The following PDGFRB variants were observed in gnomAD, a reference collection of about 807,000 sequenced individuals.
The protein encoded by PDGFRB is platelet derived growth factor receptor beta, also known as platelet-derived growth factor receptor beta.
In PDGFRB, 42 loss-of-function variants were observed where a neutral mutation model predicts 120.2. The observed-to-expected ratio is 0.35, with a 90% CI of 0.27 to 0.45. PDGFRB has a LOEUF of 0.45. Ranked by LOEUF, PDGFRB falls within the 20% of genes least tolerant of loss-of-function variation. The pLI, the probability that PDGFRB is intolerant of heterozygous loss-of-function variation, is 1.00. For missense variants in PDGFRB, 1,149 were observed against 1,476.3 expected, an observed-to-expected ratio of 0.78 and a Z score of 3.63; for synonymous variants, 586 against 606.8, an observed-to-expected ratio of 0.97 and a Z score of 0.50.
At chr5:150,137,915 G>C (rs895156996) in intron 1 of PDGFRB, among the ~76,000 whole-genome samples, 2 of 152,104 alleles carry the variant, frequency 1.3e-5, no homozygotes, top group Non-Finnish European at 2.9e-5. Context: ...CAGAGAGGAG[G>C]TGCCCAGAGA....
rs558377028 is a variant in PDGFRB, at chr5:150,131,871, G to A, written c.1243+108C>T. On this transcript the variant is annotated intron_variant, in intron 8 of 22. Transcript: ENST00000261799. ...CTAGAATCCATCTCCTGAGTTCCAGGCTCCCTCTCCCACTCCTCCCATGGG... is the reference window on the plus strand; with the variant it reads ...CTAGAATCCATCTCCTGAGTTCCAGACTCCCTCTCCCACTCCTCCCATGGG... The A allele has an allele frequency of 5.3e-4, 321 of 603,716 alleles. 2 individuals are homozygous for A. The South Asian group carries it at 5.5e-3, about 10-fold the overall frequency. The allele number at this position is 603,716 out of a possible 1,614,324, so 37.4% of individuals were successfully genotyped here. A position where few individuals can be genotyped will look rare whatever the true frequency, so the allele number is the denominator to read the frequency against.
At chr5:150,146,188 A>T (rs1453512433) in intron 1 of PDGFRB, among the ~76,000 whole-genome samples, 1 of 152,210 alleles carries the variant, frequency 6.6e-6, no homozygotes, top group Non-Finnish European at 1.5e-5. Flanking sequence ...ATTGTTAATT[A>T]CACTGAGTAC....
intron 1 of PDGFRB, among the ~76,000 whole-genome samples, chr5:150,142,323 T>C (rs1167987799): frequency 6.6e-6 from 1 of 152,172 alleles, no homozygotes; most frequent in Non-Finnish European, 1.5e-5. Context: ...GGCTTCAGGC[T>C]ATAGCTGCCC....
At chr5:150,145,371 A>T (rs567273577) in intron 1 of PDGFRB, among the ~76,000 whole-genome samples, 139 of 152,360 alleles carry the variant, frequency 9.1e-4, no homozygotes, top group Middle Eastern at 6.8e-3. Context: ...AAAGCTATAC[A>T]TGAATTTTCA....
Position 150,133,080 on chromosome 5 carries a change from TG to T in PDGFRB, c.935-139del, listed in dbSNP as rs918401648. 56 of 655,336 alleles carry T rather than the reference TG, an allele frequency of 8.5e-5. 3 individuals carry two copies. In the African/African-American group the frequency reaches 9.8e-4, roughly 11 times the overall value. The allele number at this position is 655,336 out of a possible 1,614,324, so 40.6% of individuals were successfully genotyped here. A position where few individuals can be genotyped will look rare whatever the true frequency, so the allele number is the denominator to read the frequency against. On this transcript the variant is annotated intron_variant, in intron 6 of 22. Transcript: ENST00000261799. Reference sequence around the variant, plus strand: ...GAGTTTCCGGAGCTGAGGTTGAAATTGGGCTGGGGACAGGGCCTGGAGAAGG... The same window carrying T: ...GAGTTTCCGGAGCTGAGGTTGAAATTGGCTGGGGACAGGGCCTGGAGAAGG...
chr5:150,133,079 T>C (rs1007992526), intron 6 of PDGFRB, 137 bp from the exon 7 acceptor site: 2 of 658,660 alleles, frequency 3.0e-6, no homozygotes, highest in Non-Finnish European at 5.2e-6. Context: ...GAGGTTGAAA[T>C]TGGGCTGGGG....
intron 1 of PDGFRB, among the ~76,000 whole-genome samples, chr5:150,141,163 T>C (rs1210845463): frequency 2.0e-5 from 3 of 152,176 alleles, no homozygotes; most frequent in Non-Finnish European, 4.4e-5. Context: ...ACTAAACATG[T>C]ACACACCCAC....
At chr5:150,146,877 G>A (rs1456480962) in intron 1 of PDGFRB, among the ~76,000 whole-genome samples, 2 of 152,220 alleles carry the variant, frequency 1.3e-5, no homozygotes, top group Non-Finnish European at 2.9e-5. Flanking sequence ...TCTGGGTCCC[G>A]CCTCTGCTCT....
chr5:150,137,946 G>GAGACAGAAGCAAGGACAAAGACAA (rs1319805180), intron 1 of PDGFRB, among the ~76,000 whole-genome samples: 3 of 145,496 alleles, frequency 2.1e-5, no homozygotes, highest in African/African-American at 8.5e-5. Flanking sequence ...GAGGCACTAA[G>GAGACAGAAGCAAGGACAAAGACAA]AGACAGAAGC....
intron 1 of PDGFRB, among the ~76,000 whole-genome samples, chr5:150,148,216 T>A (rs1760977788): frequency 6.6e-6 from 1 of 152,194 alleles, no homozygotes; most frequent in South Asian, 2.1e-4. Context: ...TGAACTTTTG[T>A]CTTAGTCCTT....
At chr5:150,116,945 G>A (rs1966640) in intron 22 of PDGFRB, among the ~76,000 whole-genome samples, 8,686 of 152,250 alleles carry the variant, frequency 0.057, 304 homozygotes, top group African/African-American at 0.08. Flanking sequence ...TGGGGCTCCA[G>A]CCACTTCACC....
chr5:150,155,071 T>C (rs1264396857), intron 1 of PDGFRB, among the ~76,000 whole-genome samples: 1 of 152,050 alleles, frequency 6.6e-6, no homozygotes, highest in Non-Finnish European at 1.5e-5. Flanking sequence ...TCTCCCGCTC[T>C]TCCCAGCTCT....
intron 21 of PDGFRB, 40 bp from the exon 22 acceptor site, chr5:150,117,890 T>C (rs1210276722): frequency 8.1e-7 from 1 of 1,232,590 alleles, no homozygotes; most frequent in African/African-American, 1.5e-5. Flanking sequence ...ACAGGGATGG[T>C]CAGGCCAGAA....
chr5:150,141,602 C>T (rs370378102), intron 1 of PDGFRB, among the ~76,000 whole-genome samples: 1 of 152,184 alleles, frequency 6.6e-6, no homozygotes, highest in African/African-American at 2.4e-5. Flanking sequence ...TTGGTTGGGT[C>T]TGGGGAGAAG....
rs768472954 is a variant in PDGFRB, at chr5:150,122,015, C to T, written c.2209G>A (p.Asp737Asn). Reference sequence around the variant, plus strand: ...TTGCTCATGTCCATGTAGCCACCGTCGCTCTCCCCGGTCAAGGACACATGG... The same window carrying T: ...TTGCTCATGTCCATGTAGCCACCGTTGCTCTCCCCGGTCAAGGACACATGG... ...PSHVSLTGES[D>N]GGYMDMSKDE... The change falls in exon 16 of 23, where the codon GAC becomes AAC. Residue 737 changes from aspartate (D) to asparagine (N), a missense_variant. Around this residue, in one of 3 missense-constraint regions of PDGFRB, gnomAD observed 879 missense variants for 1,108.6 expected, o/e 0.79. Coordinates refer to ENST00000261799, the MANE Select transcript of PDGFRB (RefSeq NM_002609.4). 9.9e-6 allele frequency: 16 copies of T among 1,613,558 alleles called. No individual in the cohort carries two copies. Among genetic ancestry groups the T allele is most frequent in the South Asian group, 1.1e-5 (1 of 91,062 alleles).
In PDGFRB at chr5:150,130,613, T is replaced by C. The variant is rs1760437965; in HGVS notation, c.1293A>G (p.Glu431=). The C allele has an allele frequency of 6.2e-7, 1 of 1,612,626 alleles. No homozygotes were observed. The highest frequency in any genetic ancestry group is 2.2e-5 in the East Asian group (1 of 44,864). The change falls in exon 9 of 23, where the codon GAA becomes GAG. Residue 431 remains glutamate, a synonymous_variant. Coordinates refer to ENST00000261799, the MANE Select transcript of PDGFRB (RefSeq NM_002609.4). ...CCCGGCCACGACAGCGGACTGTCTG[T>C]TCCCCACTGTCAGGGTGGCTCTCAC... ...ELSESHPDSG[E]QTVRCRGRGM...
chr5:150,136,038 C>A (rs1760621453), intron 2 of PDGFRB, among the ~76,000 whole-genome samples, 160 bp from the exon 3 acceptor site: 1 of 152,208 alleles, frequency 6.6e-6, no homozygotes, highest in Admixed American at 6.5e-5. Context: ...GCTCTGAGGA[C>A]CGCTCGCCCA....
intron 1 of PDGFRB, among the ~76,000 whole-genome samples, chr5:150,143,860 C>T (rs1006321711): frequency 6.6e-6 from 1 of 152,114 alleles, no homozygotes; most frequent in African/African-American, 2.4e-5. Context: ...CCCTGCACCA[C>T]GAACCTCCCC....
intron 20 of PDGFRB, among the ~76,000 whole-genome samples, chr5:150,119,249 C>A (rs1760056594): frequency 6.6e-6 from 1 of 152,180 alleles, no homozygotes; most frequent in South Asian, 2.1e-4. Flanking sequence ...GCCATTTGGG[C>A]AATGCTGGCC....
Sources: gnomAD v4.1 joint callset for allele counts (sites outside exome capture counted in the v4.1 genomes callset) on GRCh38, gnomAD v4.1.1 for gene constraint, gnomAD v4.1.1 regional missense constraint, MANE v1.5 for transcripts, NCBI Gene and HGNC (gene_info 2026-07-23, HGNC 2026-07-21) for gene names.